Variants in SMAD2 observed in about 807,000 individuals in gnomAD.
The protein encoded by SMAD2 is MAD homolog 2.
SMAD2 carries 8 observed loss-of-function variants against 64.4 expected under a neutral mutation model. That is an observed-to-expected ratio of 0.12 (90% confidence interval 0.07 to 0.22). The LOEUF is 0.22. Among genes scored for constraint, SMAD2 ranks in the 10% least tolerant of loss-of-function variants. The pLI is 1.00. For synonymous variants in SMAD2, 203 were observed against 195.8 expected (o/e 1.04, Z -0.31); for missense variants, 289 against 561.2 (o/e 0.51, Z 4.90).
At chr18:47,913,939 C>A (rs769979352) in intron 1 of SMAD2, among the ~76,000 whole-genome samples, 2 of 152,182 alleles carry the variant, frequency 1.3e-5, no homozygotes, top group Non-Finnish European at 2.9e-5. Flanking sequence ...ATCTTTACAG[C>A]TGAATAAGTC....
At chr18:47,905,056 T>A (rs906383059) in intron 1 of SMAD2, among the ~76,000 whole-genome samples, 1 of 152,076 alleles carries the variant, frequency 6.6e-6, no homozygotes, top group African/African-American at 2.4e-5. Context: ...TGGAAAGAAA[T>A]AAATAAAACT....
At chr18:47,920,546 T>C (rs539068154) in intron 1 of SMAD2, among the ~76,000 whole-genome samples, 5 of 152,170 alleles carry the variant, frequency 3.3e-5, no homozygotes, top group Non-Finnish European at 5.9e-5. Flanking sequence ...GAAAAGCTAG[T>C]AACAGTGGTT....
chr18:47,916,686 G>A (rs529318383), intron 1 of SMAD2, among the ~76,000 whole-genome samples: 3 of 152,232 alleles, frequency 2.0e-5, no homozygotes, highest in Non-Finnish European at 2.9e-5. Context: ...ACCATGCCCC[G>A]CCTGGTATAG....
intron 6 of SMAD2, among the ~76,000 whole-genome samples, chr18:47,863,423 T>C (rs1442551438): frequency 6.6e-6 from 1 of 152,234 alleles, no homozygotes; most frequent in Non-Finnish European, 1.5e-5. Context: ...GCTGGCTGAT[T>C]CAGCTTATTC....
rs2033834447 is a variant in SMAD2 at position 47,904,707 on chromosome 18, G to A, written c.-53-7898C>T. 2.0e-5 allele frequency among the ~76,000 whole-genome samples: 3 copies of A among 152,164 alleles called. No individual in the cohort carries two copies. In the South Asian group the frequency reaches 6.2e-4, roughly 31 times the overall value. On this transcript the variant is annotated intron_variant, in intron 1 of 10. Coordinates refer to ENST00000262160, the MANE Select transcript of SMAD2 (RefSeq NM_005901.6). ...CACTAAGTAGGATTTATCCCAAGGA[G>A]CAAAATTGGTTTAACATTCAAAAAT... is the stretch of plus-strand genomic sequence containing the variant.
chr18:47,850,232 T>TTATATATTA (rs1318233197), intron 7 of SMAD2, among the ~76,000 whole-genome samples: 1 of 43,494 alleles, frequency 2.3e-5, no homozygotes, highest in African/African-American at 9.2e-5. Flanking sequence ...ATAATATATA[T>TTATATATTA]TATATATTAT....
intron 5 of SMAD2, among the ~76,000 whole-genome samples, chr18:47,867,869 A>G (rs1330752421): frequency 6.6e-6 from 1 of 152,152 alleles, no homozygotes; most frequent in East Asian, 1.9e-4. Context: ...TGTCTATAGA[A>G]CTAAGTATTA....
chr18:47,888,640 C>T (rs1437311108), intron 2 of SMAD2, among the ~76,000 whole-genome samples: 1 of 152,176 alleles, frequency 6.6e-6, no homozygotes, highest in African/African-American at 2.4e-5. Flanking sequence ...TCTAGCCCCA[C>T]CCAGCTCAAT....
chr18:47,863,172 T>C (rs1430603003), intron 6 of SMAD2, among the ~76,000 whole-genome samples: 1 of 152,194 alleles, frequency 6.6e-6, no homozygotes, highest in Non-Finnish European at 1.5e-5. Context: ...GGTGGCCAAC[T>C]TTGTTCTAAA....
At chr18:47,884,252 T>C (rs951342127) in intron 2 of SMAD2, among the ~76,000 whole-genome samples, 3 of 152,192 alleles carry the variant, frequency 2.0e-5, no homozygotes, top group Non-Finnish European at 2.9e-5. Flanking sequence ...ATCCCACATA[T>C]AGTTCACACT....
chr18:47,890,339 A>C (rs2033131034), intron 2 of SMAD2, among the ~76,000 whole-genome samples: 1 of 152,252 alleles, frequency 6.6e-6, no homozygotes, highest in South Asian at 2.1e-4. Context: ...CTTTATCAAC[A>C]AATTTTATAC....
chr18:47,921,207 C>T (rs1037932664), intron 1 of SMAD2, among the ~76,000 whole-genome samples: 39 of 152,196 alleles, frequency 2.6e-4, no homozygotes, highest in African/African-American at 8.9e-4. Flanking sequence ...CAACCCACTA[C>T]TCCAAAAAAG....
chr18:47,832,057 T>A lies in SMAD2; in HGVS notation c.*9770A>T, dbSNP rs1407139421. On this transcript the variant is annotated 3_prime_UTR_variant, in exon 11 of 11. Transcript: ENST00000262160. ...ATTACATTGGATGACATCAGTTTGA[T>A]ACTGATGCCTGCTTCCTGCACTAAG... 1 of 152,208 alleles carries A rather than the reference T, an allele frequency of 6.6e-6. No homozygotes were observed. Among genetic ancestry groups the A allele is most frequent in the Non-Finnish European group, 1.5e-5 (1 of 68,034 alleles). The allele number at this position is 152,208 out of a possible 1,614,324, so 9.4% of individuals were successfully genotyped here.
chr18:47,917,568 T>C (rs1261733014), intron 1 of SMAD2, among the ~76,000 whole-genome samples: 1 of 152,196 alleles, frequency 6.6e-6, no homozygotes, highest in South Asian at 2.1e-4. Context: ...ACTGGAGTGA[T>C]CAATTTCTCT....
rs1912769845 is a variant in SMAD2, at chr18:47,826,756, T to A, written c.*15071A>T. The A allele has an allele frequency of 6.6e-6, 1 of 152,218 alleles. No individual in the cohort carries two copies. Among genetic ancestry groups the A allele is most frequent in the Non-Finnish European group, 1.5e-5 (1 of 68,034 alleles). The allele number at this position is 152,218 out of a possible 1,614,324, so 9.4% of individuals were successfully genotyped here. On this transcript the variant is annotated 3_prime_UTR_variant, in exon 11 of 11. Coordinates refer to ENST00000262160, the MANE Select transcript of SMAD2 (RefSeq NM_005901.6). ...CTATGTGACATTTCTGAGTTTAACATCACATTTACAAACTTTCTTAGAGAA... is the reference window on the plus strand; with the variant it reads ...CTATGTGACATTTCTGAGTTTAACAACACATTTACAAACTTTCTTAGAGAA...
At position 47,828,312 on chromosome 18, in the gene SMAD2, TG is replaced by T. The variant is rs1368024572; in HGVS notation, c.*13514del. 6.9e-6 allele frequency: 1 copy of T among 145,560 alleles called. No homozygotes were observed. Among genetic ancestry groups the T allele is most frequent in the Non-Finnish European group, 1.5e-5 (1 of 67,702 alleles). 9.0% of individuals were successfully genotyped at this position (145,560 alleles called of 1,614,324 possible). ...CCGGCCAGCTGCCCCGTTCGGGAGG[TG>T]GGGGGCAGCCCCCGGCCAGCATCCA... is the stretch of plus-strand genomic sequence containing the variant. On this transcript the variant is annotated 3_prime_UTR_variant, in exon 11 of 11. Transcript: ENST00000262160.
At chr18:47,847,730 C>T (rs1914663500) in intron 8 of SMAD2, among the ~76,000 whole-genome samples, 1 of 143,184 alleles carries the variant, frequency 7.0e-6, no homozygotes. Flanking sequence ...AATAGAGTGG[C>T]AACATTTCAA....
chr18:47,873,900 G>A (rs944905816), intron 2 of SMAD2, among the ~76,000 whole-genome samples: 1 of 152,096 alleles, frequency 6.6e-6, no homozygotes, highest in Non-Finnish European at 1.5e-5. Context: ...TACTGACCTA[G>A]AATCAGAGGA....
intron 5 of SMAD2, among the ~76,000 whole-genome samples, chr18:47,865,489 G>T (rs576597989): frequency 9.9e-5 from 15 of 152,174 alleles, no homozygotes; most frequent in African/African-American, 2.9e-4. Flanking sequence ...ACAATTTTTT[G>T]TTGTTGTTGT....
Sources: gnomAD v4.1 joint callset for allele counts (sites outside exome capture counted in the v4.1 genomes callset) on GRCh38, gnomAD v4.1.1 for gene constraint, MANE v1.5 for transcripts, NCBI Gene and HGNC (gene_info 2026-07-23, HGNC 2026-07-21) for gene names.